WNT7B: variants seen among roughly 807,000 people sequenced by gnomAD.
The protein encoded by WNT7B is Wnt family member 7B.
WNT7B carries 19 observed loss-of-function variants against 38.2 expected under a neutral mutation model. That is an observed-to-expected ratio of 0.50 (90% confidence interval 0.35 to 0.73). WNT7B has a LOEUF of 0.73. Among genes scored for constraint, WNT7B ranks in the 30% least tolerant of loss-of-function variants. WNT7B has a pLI of 0.01. For missense variants in WNT7B, 423 were observed against 507.9 expected (o/e 0.83, Z 1.61); for synonymous variants, 243 against 209.3 (o/e 1.16, Z -1.39).
intron 2 of WNT7B, 45 bp from the exon 3 acceptor site, chr22:45,931,414 G>T (rs771874669): frequency 1.6e-5 from 25 of 1,529,944 alleles, no homozygotes; most frequent in Non-Finnish European, 2.1e-5. Context: ...CAGGCCCTGG[G>T]CCAGGTGGGC....
At chr22:45,960,567 C>T (rs1409877150) in intron 1 of WNT7B, among the ~76,000 whole-genome samples, 2 of 152,262 alleles carry the variant, frequency 1.3e-5, no homozygotes, top group African/African-American at 4.8e-5. Context: ...GCCTCCCTCC[C>T]GGCCCCTGGC....
intron 2 of WNT7B, among the ~76,000 whole-genome samples, chr22:45,947,384 C>G (rs1356847635): frequency 6.6e-6 from 1 of 152,228 alleles, no homozygotes; most frequent in African/African-American, 2.4e-5. Flanking sequence ...AAAAGCAGAC[C>G]ATGCTGCAGC....
At chr22:45,970,133 G>A (rs1341863868) in intron 1 of WNT7B, among the ~76,000 whole-genome samples, 6 of 152,146 alleles carry the variant, frequency 3.9e-5, no homozygotes, top group Non-Finnish European at 8.8e-5. Flanking sequence ...CCCTCACTCC[G>A]GGAACGTGTC....
In WNT7B at chr22:45,966,913, G is replaced by A. The variant is rs143493001; in HGVS notation, c.71+9771C>T. Reference sequence around the variant, plus strand: ...GGCAGGGACCCTCCCCAGCATCCCCGGCCCTCACTCCTGCATCTGCTTGTA... The same window carrying A: ...GGCAGGGACCCTCCCCAGCATCCCCAGCCCTCACTCCTGCATCTGCTTGTA... On this transcript the variant is annotated intron_variant, in intron 1 of 3. Transcript: ENST00000339464. This position sits in a 1 kb window ranked among gnomAD's most constrained non-coding sequence, Gnocchi z 4.2. 3.4e-3 allele frequency among the ~76,000 whole-genome samples: 515 copies of A among 151,656 alleles called. 4 individuals are homozygous for A. Among genetic ancestry groups the A allele is most frequent in the African/African-American group, 0.012 (492 of 41,456 alleles).
At position 45,923,260 on chromosome 22, in the gene WNT7B, T is replaced by A. The variant is rs1930983287; in HGVS notation, c.646A>T (p.Thr216Ser). The A allele has an allele frequency of 6.2e-7, 1 of 1,613,512 alleles. No homozygotes were observed. Among genetic ancestry groups the A allele is most frequent in the African/African-American group, 1.3e-5 (1 of 74,952 alleles). Residue 216 changes from threonine (T) to serine (S), a missense_variant, in exon 4 of 4, where the codon ACC (threonine) becomes TCC (serine). Thr to Ser is a moderately conservative substitution (Grantham distance 58). Transcript: ENST00000339464. ...SGSCTTKTCW[T>S]TLPKFREVGH... ...ACCTCTCGGAACTTGGGCAGCGTGG[T>A]CCAGCAGGTTTTGGTGGTGCAGGAG...
chr22:45,952,313 C>T lies in WNT7B; in HGVS notation c.72-2167G>A, dbSNP rs533553838. Among the ~76,000 whole-genome samples the T allele has an allele frequency of 4.6e-5, 7 of 152,356 alleles. No homozygotes were observed. In the East Asian group the frequency reaches 7.7e-4, roughly 17 times the overall value. On this transcript the variant is annotated intron_variant, in intron 1 of 3. Coordinates refer to ENST00000339464, the MANE Select transcript of WNT7B (RefSeq NM_058238.3). ...CCCCGTGCGGCCTGAGCCCACAGCA[C>T]GTGCTGCAGCCGGGCTGCCAGGGTG...
intron 1 of WNT7B, among the ~76,000 whole-genome samples, chr22:45,950,576 T>C (rs756129966): frequency 6.6e-6 from 1 of 152,238 alleles, no homozygotes; most frequent in Non-Finnish European, 1.5e-5. Context: ...TTCCCCTCAT[T>C]TATAAATTCC....
At chr22:45,926,324 G>A in intron 3 of WNT7B, 1 of 985,452 alleles carries the variant, frequency 1.0e-6, no homozygotes, top group Non-Finnish European at 1.2e-6. Context: ...GCTCAGGGGA[G>A]CTGCAGGCTG....
rs554180144 is a variant in WNT7B, at chr22:45,951,901, T to G, written c.72-1755A>C. 9.6e-4 allele frequency among the ~76,000 whole-genome samples: 146 copies of G among 152,288 alleles called. 1 individual carries two copies. Among genetic ancestry groups the G allele is most frequent in the African/African-American group, 3.4e-3 (143 of 41,552 alleles). On this transcript the variant is annotated intron_variant, in intron 1 of 3. Transcript: ENST00000339464. This position sits in a 1 kb window ranked among gnomAD's most constrained non-coding sequence, Gnocchi z 4.8. ...AGTCTCTGGGGCATGGACCTATGAG[T>G]TGCTGGGTCAGGTGGTCCCTTCGCT...
rs184282955 is a variant in WNT7B, at chr22:45,964,605, C to A, written c.71+12079G>T. Among the ~76,000 whole-genome samples, 8 of 152,302 alleles carry A rather than the reference C, an allele frequency of 5.3e-5. No individual in the cohort carries two copies. In the East Asian group the frequency reaches 1.5e-3, roughly 29 times the overall value. On this transcript the variant is annotated intron_variant, in intron 1 of 3. Coordinates refer to ENST00000339464, the MANE Select transcript of WNT7B (RefSeq NM_058238.3). ...GTCGGGGAGCCTGGAAGTCATCCAGCCCCGGGCCACCCACTCCCCCTTCCC... is the reference window on the plus strand; with the variant it reads ...GTCGGGGAGCCTGGAAGTCATCCAGACCCGGGCCACCCACTCCCCCTTCCC...
intron 2 of WNT7B, chr22:45,936,093 C>T (rs2146718882): frequency 1.0e-5 from 10 of 985,430 alleles, no homozygotes; most frequent in Non-Finnish European, 1.2e-5. Flanking sequence ...ACCCCACAGC[C>T]CTCAAGAGCA....
chr22:45,929,173 C>T (rs761597699), intron 3 of WNT7B, among the ~76,000 whole-genome samples: 17 of 152,170 alleles, frequency 1.1e-4, no homozygotes, highest in Non-Finnish European at 8.8e-5. Context: ...CCTCTTTCTC[C>T]TCCTCCTCCA....
intron 1 of WNT7B, chr22:45,954,710 T>C (rs1932020569): frequency 1.0e-6 from 1 of 985,286 alleles, no homozygotes; most frequent in Admixed American, 6.1e-5. Flanking sequence ...TAGATGTGGT[T>C]GATAATTCAG....
At chr22:45,926,177 G>C in intron 3 of WNT7B, 1 of 985,442 alleles carries the variant, frequency 1.0e-6, no homozygotes, top group Non-Finnish European at 1.2e-6. Flanking sequence ...CCCAGGAAGT[G>C]ATCACAGGGT....
intron 1 of WNT7B, among the ~76,000 whole-genome samples, chr22:45,958,704 C>A (rs112641771): frequency 6.6e-6 from 1 of 152,200 alleles, no homozygotes; most frequent in African/African-American, 2.4e-5. Flanking sequence ...AACCCACCCC[C>A]ACTGTCCCGG....
chr22:45,920,648 G>A lies in WNT7B; in HGVS notation c.*2208C>T. 6.9e-6 allele frequency: 1 copy of A among 144,876 alleles called. No homozygotes were observed. Among genetic ancestry groups the A allele is most frequent in the South Asian group, 2.3e-4 (1 of 4,340 alleles). The allele number at this position is 144,876 out of a possible 1,614,324, so 9.0% of individuals were successfully genotyped here. A position where few individuals can be genotyped will look rare whatever the true frequency, so the allele number is the denominator to read the frequency against. On this transcript the variant is annotated 3_prime_UTR_variant, in exon 4 of 4. Transcript: ENST00000339464. ...TGGTTCGGGAGATGGGGGATGGGATGGGGGGTGGGTATGGGGAATAGGGAT... is the reference window on the plus strand; with the variant it reads ...TGGTTCGGGAGATGGGGGATGGGATAGGGGGTGGGTATGGGGAATAGGGAT...
intron 1 of WNT7B, chr22:45,972,089 G>A: frequency 8.9e-6 from 5 of 563,850 alleles, no homozygotes; most frequent in South Asian, 4.1e-5. Context: ...CTGCCCGCCC[G>A]GTTCCAGCGC....
intron 1 of WNT7B, among the ~76,000 whole-genome samples, chr22:45,967,286 C>T (rs1932333545): frequency 6.6e-6 from 1 of 152,194 alleles, no homozygotes. Flanking sequence ...GGCGCCCGGC[C>T]TCCTGTCCCT....
rs1316983197 is a variant in WNT7B at position 45,931,350 on chromosome 22, G to A, written c.318C>T (p.Phe106=). 1.4e-5 allele frequency: 22 copies of A among 1,591,634 alleles called. No homozygotes were observed. The highest frequency in any genetic ancestry group is 1.6e-5 in the Non-Finnish European group (19 of 1,175,066). The change falls in exon 3 of 4, where the codon TTC becomes TTT. Residue 106 remains phenylalanine (F), a synonymous_variant. Coordinates refer to ENST00000339464, the MANE Select transcript of WNT7B (RefSeq NM_058238.3). The stretch of plus-strand genomic sequence containing the variant: ...CGCCAGCCGCGGTGATGGCGTACGT[G>A]AAGGCAGCCTCACGGCTCCCTGCGG... ...ELRVGSREAA[F]TYAITAAGVA...
Sources: allele counts gnomAD v4.1 joint callset (sites outside exome capture counted in the v4.1 genomes callset), GRCh38; gene constraint gnomAD v4.1.1; non-coding constraint Gnocchi (gnomAD v3.1); transcripts MANE v1.5; gene names NCBI Gene and HGNC (gene_info 2026-07-23, HGNC 2026-07-21).